Variants in UBE2D4 observed in about 807,000 individuals in gnomAD.
UBE2D4 encodes the protein ubiquitin conjugating enzyme E2 D4, also known as ubiquitin-conjugating enzyme E2 D4.
In UBE2D4, 17 loss-of-function variants were observed where a neutral mutation model predicts 23.0. The observed-to-expected ratio is 0.74, with a 90% confidence interval of 0.51 to 1.11. The LOEUF is 1.11. Among genes scored for constraint, UBE2D4 ranks in the 50% least tolerant of loss-of-function variants. The pLI, the probability that UBE2D4 is intolerant of heterozygous loss-of-function variation, is 0.00. For missense variants in UBE2D4, 139 were observed against 181.8 expected, an observed-to-expected ratio of 0.76 and a Z score of 1.35; for synonymous variants, 61 against 69.4, an observed-to-expected ratio of 0.88 and a Z score of 0.60.
rs897818728 is a variant in UBE2D4, at chr7:43,955,385, A to C, written c.*2690A>C. The C allele has an allele frequency of 6.6e-6, 1 of 152,200 alleles. No individual in the cohort carries two copies. Among genetic ancestry groups the C allele is most frequent in the Non-Finnish European group, 1.5e-5 (1 of 68,036 alleles). The allele number at this position is 152,200 out of a possible 1,614,324, so 9.4% of individuals were successfully genotyped here. The stretch of plus-strand genomic sequence containing the variant: ...AAAATGACCATTAGCTCTCCCCCAG[A>C]AGCGTCTGTGTTTGCTGAATGGAGC... On this transcript the variant is annotated 3_prime_UTR_variant, in exon 7 of 7. Coordinates refer to ENST00000222402, the MANE Select transcript of UBE2D4 (RefSeq NM_015983.4).
chr7:43,939,269 C>T (rs1163631711), intron 2 of UBE2D4, among the ~76,000 whole-genome samples: 1 of 152,268 alleles, frequency 6.6e-6, no homozygotes, highest in South Asian at 2.1e-4. Flanking sequence ...CTATTATTTT[C>T]TCCCACTTCC....
chr7:43,952,342 C>T (rs2096004581), intron 6 of UBE2D4: 1 of 315,056 alleles, frequency 3.2e-6, no homozygotes. Flanking sequence ...CTCCCTGCAT[C>T]CATATTGTAG....
At chr7:43,951,317 A>G (rs1443526116) in intron 6 of UBE2D4, among the ~76,000 whole-genome samples, 3 of 152,188 alleles carry the variant, frequency 2.0e-5, no homozygotes, top group African/African-American at 7.2e-5. Context: ...AGGCACAAGG[A>G]GTCATCGCCA....
In UBE2D4 at chr7:43,955,673, T is replaced by C. The variant is rs1185648310; in HGVS notation, c.*2978T>C. The C allele has an allele frequency of 2.0e-5, 3 of 152,106 alleles. No individual in the cohort carries two copies. The East Asian group carries it at 5.8e-4, about 29-fold the overall frequency. 9.4% of individuals were successfully genotyped at this position (152,106 alleles called of 1,614,324 possible). On this transcript the variant is annotated 3_prime_UTR_variant, in exon 7 of 7. Transcript: ENST00000222402. ...TCCAAGACTGTCTGCAGAATTCCTT[T>C]CCTAGGGTCTGTCTCTGGTACCCAA...
intron 1 of UBE2D4, among the ~76,000 whole-genome samples, chr7:43,935,350 A>G (rs1226706127): frequency 1.3e-5 from 2 of 152,142 alleles, no homozygotes; most frequent in Non-Finnish European, 2.9e-5. Context: ...TTCTAACCCA[A>G]AATATTTTTA....
intron 1 of UBE2D4, 94 bp from the exon 2 acceptor site, chr7:43,938,337 C>T: frequency 1.6e-6 from 2 of 1,263,058 alleles, no homozygotes; most frequent in South Asian, 2.4e-5. Context: ...GGAGCCTCCT[C>T]CCACCAGGAG....
chr7:43,939,300 G>A (rs950330559), intron 2 of UBE2D4, among the ~76,000 whole-genome samples: 2 of 152,270 alleles, frequency 1.3e-5, no homozygotes, highest in East Asian at 3.8e-4. Context: ...GGCGGAGACT[G>A]AAGCAGCAGC....
rs180914453 is a variant in UBE2D4 at position 43,947,879 on chromosome 7, G to A, written c.199-753G>A. ...TGTTGTTTCCTGATTTTTAATGATC[G>A]CCATTCTAACTGCTGTGAGATAGTA... is the stretch of plus-strand genomic sequence containing the variant. On this transcript the variant is annotated intron_variant, in intron 4 of 6. Coordinates refer to ENST00000222402, the MANE Select transcript of UBE2D4 (RefSeq NM_015983.4). Among the ~76,000 whole-genome samples, 248 of 152,214 alleles carry A rather than the reference G, an allele frequency of 1.6e-3. 1 individual carries two copies. Among genetic ancestry groups the A allele is most frequent in the African/African-American group, 5.5e-3 (228 of 41,510 alleles).
Position 43,926,454 on chromosome 7 carries a change from C to G in UBE2D4, c.-79C>G, listed in dbSNP as rs1346210097. 9.9e-6 allele frequency: 13 copies of G among 1,316,062 alleles called. 1 individual carries two copies. The highest frequency in any genetic ancestry group is 1.7e-5 in the South Asian group (1 of 59,132). 81.5% of individuals were successfully genotyped at this position (1,316,062 alleles called of 1,614,324 possible). On this transcript the variant is annotated 5_prime_UTR_variant, in exon 1 of 7. Transcript: ENST00000222402. ...GCAGGCTGCGGCTCCCGGCGTGCAG[C>G]TTGGTGGCGGCTGAGCCGGCAGCGG...
chr7:43,946,972 T>C (rs2095988937), intron 4 of UBE2D4, among the ~76,000 whole-genome samples: 1 of 152,094 alleles, frequency 6.6e-6, no homozygotes, highest in South Asian at 2.1e-4. Context: ...GTTGGTTTGC[T>C]GCACCCATCA....
chr7:43,948,654 A>T lies in UBE2D4; in HGVS notation c.221A>T (p.Tyr74Phe), dbSNP rs758632713. ...CAGGTTGCTTTCACAACCAAAATTT[A>T]TCACCCTAATATCAACAGCAATGGC... ...PPKVAFTTKI[Y>F]HPNINSNGSI... The change falls in exon 5 of 7, where the codon TAT (tyrosine) becomes TTT (phenylalanine). Residue 74 changes from tyrosine to phenylalanine, a missense_variant. Physicochemically the swap from Tyr to Phe is conservative, Grantham distance 22. Coordinates refer to ENST00000222402, the MANE Select transcript of UBE2D4 (RefSeq NM_015983.4). 5 of 1,608,790 alleles carry T rather than the reference A, an allele frequency of 3.1e-6. No individual in the cohort carries two copies. Among genetic ancestry groups the T allele is most frequent in the Non-Finnish European group, 4.2e-6 (5 of 1,176,520 alleles).
chr7:43,950,363 C>G (rs2095999312), intron 5 of UBE2D4, among the ~76,000 whole-genome samples: 1 of 151,480 alleles, frequency 6.6e-6, no homozygotes, highest in Admixed American at 6.6e-5. Flanking sequence ...GAATGAGAAC[C>G]AGGATGCACC....
chr7:43,948,488 T>TG (rs1001515880), intron 4 of UBE2D4, 144 bp from the exon 5 acceptor site: 3 of 594,608 alleles, frequency 5.0e-6, no homozygotes, highest in Non-Finnish European at 9.1e-6. Flanking sequence ...AGTTTGGGAG[T>TG]GGGGGTCTGG....
chr7:43,926,495 C>A lies in UBE2D4; in HGVS notation c.-38C>A. On this transcript the variant is annotated 5_prime_UTR_variant, in exon 1 of 7. Coordinates refer to ENST00000222402, the MANE Select transcript of UBE2D4 (RefSeq NM_015983.4). ...CCGGCAGCGGGCCGCCTCAGGCAGC[C>A]CCGGCCGGGCCGCCCGGGTCCCCGG... 3 of 1,488,126 alleles carry A rather than the reference C, an allele frequency of 2.0e-6. No homozygotes were observed. Among genetic ancestry groups the A allele is most frequent in the Non-Finnish European group, 2.7e-6 (3 of 1,116,856 alleles). The allele number at this position is 1,488,126 out of a possible 1,614,324, so 92.2% of individuals were successfully genotyped here.
At chr7:43,928,257 T>G (rs1198409278) in intron 1 of UBE2D4, 5 of 278,628 alleles carry the variant, frequency 1.8e-5, no homozygotes, top group Non-Finnish European at 3.6e-5. Context: ...TACCTCCCAC[T>G]AGGCCCCACC....
chr7:43,946,330 G>A (rs928458324), intron 4 of UBE2D4: 1 of 151,916 alleles, frequency 6.6e-6, no homozygotes, highest in Non-Finnish European at 1.5e-5. Flanking sequence ...TGTGGCTGTG[G>A]TTTAAAAAAG....
At chr7:43,937,802 G>C (rs542838446) in intron 1 of UBE2D4, among the ~76,000 whole-genome samples, 5 of 152,272 alleles carry the variant, frequency 3.3e-5, no homozygotes, top group African/African-American at 1.2e-4. Flanking sequence ...GTCCCATAAA[G>C]GGAATCTAGT....
At chr7:43,928,797 G>A (rs1316082171) in intron 1 of UBE2D4, among the ~76,000 whole-genome samples, 1 of 152,270 alleles carries the variant, frequency 6.6e-6, no homozygotes, top group Admixed American at 6.5e-5. Flanking sequence ...CTAGGATGGG[G>A]AATCAGAAGT....
chr7:43,952,682 A>C lies in UBE2D4; in HGVS notation c.431A>C (p.Lys144Thr), dbSNP rs749824980. ...AGACTAGCAAGAGAGTGGACACAAA[A>C]ATATGCTATGTAAGTGCCTTGGAGG... ...YNRLAREWTQ[K>T]YAM Residue 144 changes from lysine (K) to threonine (T), a missense_variant, in exon 7 of 7, where the codon AAA (lysine) becomes ACA (threonine). Transcript: ENST00000222402. The C allele has an allele frequency of 6.2e-7, 1 of 1,613,852 alleles. No homozygotes were observed.
Sources: gnomAD v4.1 joint callset for allele counts (sites outside exome capture counted in the v4.1 genomes callset) on GRCh38, gnomAD v4.1.1 for gene constraint, MANE v1.5 for transcripts, NCBI Gene and HGNC (gene_info 2026-07-23, HGNC 2026-07-21) for gene names.